DOT1L: variants seen among roughly 807,000 people sequenced by gnomAD.
DOT1L encodes DOT1 like histone lysine methyltransferase.
In DOT1L, 33 loss-of-function variants were observed where a neutral mutation model predicts 153.3. The ratio of observed to expected loss-of-function variants is 0.22; its 90% CI spans 0.16 to 0.29. DOT1L has a LOEUF of 0.29. Ranked by LOEUF, DOT1L falls within the 10% of genes least tolerant of loss-of-function variation. The pLI is 1.00. For synonymous variants in DOT1L, 1,135 were observed against 965.1 expected (o/e 1.18, Z -3.26); for missense variants, 1,847 against 2,119.9 (o/e 0.87, Z 2.53).
chr19:2,198,133 C>T (rs763712043), intron 7 of DOT1L, among the ~76,000 whole-genome samples: 19 of 152,176 alleles, frequency 1.2e-4, no homozygotes, highest in Non-Finnish European at 2.6e-4. Context: ...TGTCATGGAG[C>T]GTGGGGGACC....
Position 2,202,699 on chromosome 19 carries a change from G to C in DOT1L, c.708-1G>C. On this transcript the variant is annotated splice_acceptor_variant, in intron 8 of 27. Coordinates refer to ENST00000398665, the MANE Select transcript of DOT1L (RefSeq NM_032482.3). LOFTEE classifies it high-confidence loss of function. The stretch of plus-strand genomic sequence containing the variant: ...CACTGAACTGGAGTATTGTTTTGCA[G>C]TGTTATATTTGTGAATAATTTTGCC... 6.2e-7 allele frequency: 1 copy of C among 1,614,118 alleles called. No homozygotes were observed. Among genetic ancestry groups the C allele is most frequent in the Non-Finnish European group, 8.5e-7 (1 of 1,179,952 alleles).
chr19:2,201,157 TCATTCCTCGTCCTCCCCG>T (rs2023261208), intron 8 of DOT1L, among the ~76,000 whole-genome samples: 5 of 25,972 alleles, frequency 1.9e-4, no homozygotes, highest in South Asian at 1.3e-3. Flanking sequence ...CGTCCTCCCC[TCATTCCTCGTCCTCCCCG>T]CATTCCTCGT....
At position 2,226,483 on chromosome 19, in the gene DOT1L, G is replaced by T; in HGVS notation, c.3962G>T (p.Gly1321Val). The T allele has an allele frequency of 6.2e-7, 1 of 1,600,938 alleles. No homozygotes were observed. The highest frequency in any genetic ancestry group is 1.1e-5 in the South Asian group (1 of 90,912). Residue 1321 changes from glycine (G) to valine (V), a missense_variant, in exon 27 of 28, where the codon GGC becomes GTC. Coordinates refer to ENST00000398665, the MANE Select transcript of DOT1L (RefSeq NM_032482.3). ...NPANGCTFGG[G>V]LAADLSLHSF... is the part of the protein sequence containing the mutation. ...GCCAACGGCTGCACCTTCGGCGGGGGCCTGGCCGCGGACCTGAGTTTACAC... is the reference window on the plus strand; with the variant it reads ...GCCAACGGCTGCACCTTCGGCGGGGTCCTGGCCGCGGACCTGAGTTTACAC...
At position 2,229,288 on chromosome 19, in the gene DOT1L, CGTA is replaced by C. The variant is rs1217948761; in HGVS notation, c.4607-494_4607-492del. On this transcript the variant is annotated intron_variant, in intron 27 of 27. Transcript: ENST00000398665. Reference sequence around the variant, plus strand: ...TCCAGGGACATGGCGTGCCTGGCGGCGTAGTGCAAAGGTGCCCTCTGCTTGCCC... The same window carrying C: ...TCCAGGGACATGGCGTGCCTGGCGGCGTGCAAAGGTGCCCTCTGCTTGCCC... The C allele has an allele frequency of 3.2e-5, 32 of 985,438 alleles. No individual in the cohort carries two copies. The East Asian group carries it at 3.2e-3, about 98-fold the overall frequency. 61.0% of individuals were successfully genotyped at this position (985,438 alleles called of 1,614,324 possible).
At chr19:2,203,522 G>A (rs1448666806) in intron 9 of DOT1L, among the ~76,000 whole-genome samples, 5 of 152,206 alleles carry the variant, frequency 3.3e-5, no homozygotes, top group Non-Finnish European at 7.3e-5. Context: ...GAGCAGGAGT[G>A]GGGCTCTCAG....
At chr19:2,228,732 G>A (rs1321193302) in intron 27 of DOT1L, 1 of 985,288 alleles carries the variant, frequency 1.0e-6, no homozygotes, top group Admixed American at 6.1e-5. Context: ...AGTCTCCAGG[G>A]CTCCATCCGC....
At chr19:2,228,775 G>A (rs993829536) in intron 27 of DOT1L, 3 of 985,312 alleles carry the variant, frequency 3.0e-6, no homozygotes, top group Non-Finnish European at 3.6e-6. Flanking sequence ...CGGGTGGCGT[G>A]GCTTGGTGCT....
intron 22 of DOT1L, among the ~76,000 whole-genome samples, chr19:2,219,587 C>T (rs1428534464): frequency 6.6e-6 from 1 of 152,210 alleles, no homozygotes; most frequent in Non-Finnish European, 1.5e-5. Context: ...GTCCAGGTTT[C>T]TGTGTGGATG....
chr19:2,188,983 G>A (rs914778102), intron 3 of DOT1L, among the ~76,000 whole-genome samples: 18 of 152,222 alleles, frequency 1.2e-4, no homozygotes, highest in Non-Finnish European at 2.2e-4. Flanking sequence ...GCTCTGCCCC[G>A]ATGCTGTTGG....
At chr19:2,229,640 G>A (rs2024513448) in intron 27 of DOT1L, 145 bp from the exon 28 acceptor site, 1 of 1,584,614 alleles carries the variant, frequency 6.3e-7, no homozygotes, top group Non-Finnish European at 8.5e-7. Context: ...GTGGTTAGAG[G>A]AGCTGGCACT....
chr19:2,194,712 G>A (rs1252365581), intron 7 of DOT1L, 135 bp downstream of exon 7: 3 of 698,962 alleles, frequency 4.3e-6, no homozygotes, highest in Non-Finnish European at 6.6e-6. Flanking sequence ...GTCCCCTCTG[G>A]TTCTCGTAGG....
chr19:2,175,337 A>G lies in DOT1L; in HGVS notation c.82-5376A>G, dbSNP rs564020850. On this transcript the variant is annotated intron_variant, in intron 1 of 27. Coordinates refer to ENST00000398665, the MANE Select transcript of DOT1L (RefSeq NM_032482.3). Reference sequence around the variant, plus strand: ...TCTTTTTAAGAGTTGAGGTCTTGCTATGTTGCCCAGGTTAGAGTGCAGTGA... The same window carrying G: ...TCTTTTTAAGAGTTGAGGTCTTGCTGTGTTGCCCAGGTTAGAGTGCAGTGA... Among the ~76,000 whole-genome samples the G allele has an allele frequency of 8.0e-5, 12 of 150,504 alleles. No homozygotes were observed. In the South Asian group the frequency reaches 8.5e-4, roughly 11 times the overall value.
rs752053629 is a variant in DOT1L, at chr19:2,226,960, C to T, written c.4439C>T (p.Ser1480Phe). 3 of 1,590,450 alleles carry T rather than the reference C, an allele frequency of 1.9e-6. No individual in the cohort carries two copies. Among genetic ancestry groups the T allele is most frequent in the East Asian group, 2.3e-5 (1 of 44,012 alleles). ...PGPQFALGPM[S>F]LQANLGSVAG... ...CCGCAGTTCGCGCTCGGCCCCATGT[C>T]CCTGCAGGCCAACCTCGGCTCCGTG... The change falls in exon 27 of 28, where the codon TCC (serine) becomes TTC (phenylalanine). Residue 1480 changes from serine (S) to phenylalanine (F), a missense_variant. This residue lies in a region of DOT1L where 934 missense variants were observed against 825.3 expected (regional missense o/e 1.13). Coordinates refer to ENST00000398665, the MANE Select transcript of DOT1L (RefSeq NM_032482.3).
chr19:2,180,889 G>A (rs2022200214), intron 2 of DOT1L, 133 bp downstream of exon 2: 1 of 1,087,366 alleles, frequency 9.2e-7, no homozygotes, highest in Non-Finnish European at 1.3e-6. Context: ...AAGCGGATCA[G>A]GGGTGACTCA....
intron 24 of DOT1L, 30 bp from the exon 25 acceptor site, chr19:2,223,251 T>C (rs766267659): frequency 3.1e-6 from 5 of 1,611,020 alleles, no homozygotes; most frequent in Non-Finnish European, 4.2e-6. Context: ...GTCTGTGGTA[T>C]GTGCATCCAT....
At chr19:2,200,264 C>T (rs1468318469) in intron 8 of DOT1L, among the ~76,000 whole-genome samples, 2 of 151,536 alleles carry the variant, frequency 1.3e-5, no homozygotes, top group Non-Finnish European at 2.9e-5. Flanking sequence ...CAGGCTTGGT[C>T]TGGGGGTCTT....
At chr19:2,227,260 C>G in intron 27 of DOT1L, 133 bp downstream of exon 27, 1 of 1,186,806 alleles carries the variant, frequency 8.4e-7, no homozygotes, top group Non-Finnish European at 1.3e-6. Context: ...CGGCCCCCGC[C>G]ATCCGTGCAC....
At chr19:2,225,249 G>A in intron 25 of DOT1L, 139 bp from the exon 26 acceptor site, 5 of 788,752 alleles carry the variant, frequency 6.3e-6, no homozygotes, top group South Asian at 6.3e-5. Flanking sequence ...GCCCAGGGTG[G>A]CTGCACGGGT....
intron 2 of DOT1L, among the ~76,000 whole-genome samples, chr19:2,184,586 G>T (rs1479261816): frequency 1.3e-5 from 2 of 152,172 alleles, no homozygotes; most frequent in East Asian, 1.9e-4. Flanking sequence ...AGAGCCGCAG[G>T]CCAGGTGGCT....
Sources: allele counts gnomAD v4.1 joint callset (sites outside exome capture counted in the v4.1 genomes callset), GRCh38; gene constraint gnomAD v4.1.1; regional missense constraint gnomAD v4.1.1; transcripts MANE v1.5; gene names NCBI Gene and HGNC (gene_info 2026-07-23, HGNC 2026-07-21).